Variants in WDPCP observed in about 807,000 individuals in gnomAD.
The protein encoded by WDPCP is WD repeat containing planar cell polarity effector, also known as WD repeat-containing and planar cell polarity effector protein fritz homolog.
A neutral mutation model predicts 93.1 loss-of-function variants in WDPCP; 71 were observed. The observed-to-expected ratio is 0.76, with a 90% CI of 0.63 to 0.93. WDPCP has a LOEUF of 0.93. WDPCP is among the 40% of genes least tolerant of loss of function. WDPCP has a pLI of 0.00. For missense variants in WDPCP, 844 were observed against 887.4 expected (o/e 0.95, Z 0.62); for synonymous variants, 315 against 315.0 (o/e 1.00, Z 0.00).
At position 63,575,419 on chromosome 2, in the gene WDPCP, CT is replaced by C. The variant is rs1558832123; in HGVS notation, c.75+12777del. On this transcript the variant is annotated intron_variant, in intron 1 of 17. Coordinates refer to ENST00000272321, the MANE Select transcript of WDPCP (RefSeq NM_015910.7). The stretch of plus-strand genomic sequence containing the variant: ...ATACAGTATATATACAGTATATACA[CT>C]GTATACAGTGTATATACAGTGTATA... Among the ~76,000 whole-genome samples the C allele has an allele frequency of 1.6e-3, 104 of 65,530 alleles. 4 individuals are homozygous for C. The highest frequency in any genetic ancestry group is 0.011 in the African/African-American group (99 of 8,666). The allele number at this position is 65,530 out of a possible 152,430, so 43.0% of individuals were successfully genotyped here. A position where few individuals can be genotyped will look rare whatever the true frequency, so the allele number is the denominator to read the frequency against.
intron 12 of WDPCP, among the ~76,000 whole-genome samples, chr2:63,363,020 C>A (rs1001514661): frequency 6.6e-6 from 1 of 151,866 alleles, no homozygotes; most frequent in Non-Finnish European, 1.5e-5. Flanking sequence ...AACTTAATTA[C>A]CACTGTTCAC....
intron 13 of WDPCP, among the ~76,000 whole-genome samples, chr2:63,291,536 T>C (rs532259390): frequency 6.6e-6 from 1 of 152,330 alleles, no homozygotes; most frequent in South Asian, 2.1e-4. Flanking sequence ...AGGCTGGGCA[T>C]GGTCGTTCAC....
At chr2:63,243,751 A>G (rs1247732938) in intron 14 of WDPCP, among the ~76,000 whole-genome samples, 6 of 152,158 alleles carry the variant, frequency 3.9e-5, no homozygotes, top group Admixed American at 1.3e-4. Flanking sequence ...CAGCTGTACA[A>G]TAATAATGGG....
intron 13 of WDPCP, among the ~76,000 whole-genome samples, chr2:63,307,826 A>G (rs1208296233): frequency 6.6e-6 from 1 of 152,248 alleles, no homozygotes; most frequent in Non-Finnish European, 1.5e-5. Context: ...CAAAGACTTC[A>G]TGACTAAAAC....
intron 15 of WDPCP, among the ~76,000 whole-genome samples, chr2:63,154,302 T>C (rs1236070973): frequency 2.0e-5 from 3 of 152,094 alleles, no homozygotes; most frequent in Non-Finnish European, 2.9e-5. Context: ...TTATATACTT[T>C]ATAGTCACAC....
intron 9 of WDPCP, among the ~76,000 whole-genome samples, chr2:63,409,235 C>G (rs1342915473): frequency 6.6e-6 from 1 of 152,202 alleles, no homozygotes; most frequent in Non-Finnish European, 1.5e-5. Context: ...TCTGTGCAGA[C>G]AACCCCCAGT....
intron 1 of WDPCP, among the ~76,000 whole-genome samples, chr2:63,539,216 C>A (rs935925341): frequency 1.3e-5 from 2 of 152,142 alleles, no homozygotes; most frequent in Non-Finnish European, 2.9e-5. Context: ...CCATAATTTA[C>A]ATTTATGTGA....
chr2:63,759,028 G>C (rs913361313), intron 2 of WDPCP, among the ~76,000 whole-genome samples: 23 of 151,642 alleles, frequency 1.5e-4, no homozygotes, highest in South Asian at 2.1e-4. Flanking sequence ...TGATCCACCC[G>C]CTTTGGCCTC....
chr2:63,733,183 A>ATTTTTTTTT (rs70965141), intron 2 of WDPCP, among the ~76,000 whole-genome samples: 2 of 94,934 alleles, frequency 2.1e-5, no homozygotes, highest in Non-Finnish European at 4.0e-5. Context: ...CAAATAAATG[A>ATTTTTTTTT]TTTTTTTTTT....
chr2:63,369,447 G>T (rs1691203081), intron 12 of WDPCP: 2 of 456,460 alleles, frequency 4.4e-6, no homozygotes, highest in South Asian at 3.1e-5. Flanking sequence ...CCTCTACCCA[G>T]GTCCTCACTC....
chr2:63,597,354 C>A, intron 3 of WDPCP: 1 of 1,322,218 alleles, frequency 7.6e-7, no homozygotes, highest in Middle Eastern at 2.4e-4. Flanking sequence ...AAACTTCAAA[C>A]TTTGATGTTT....
intron 3 of WDPCP, among the ~76,000 whole-genome samples, chr2:63,630,751 C>T (rs1217784480): frequency 1.3e-5 from 2 of 152,290 alleles, no homozygotes; most frequent in East Asian, 3.9e-4. Context: ...AAGAACTCAA[C>T]AACATCAACC....
intron 1 of WDPCP, among the ~76,000 whole-genome samples, chr2:63,549,454 C>A (rs924676912): frequency 3.9e-5 from 6 of 151,996 alleles, no homozygotes; most frequent in Non-Finnish European, 7.4e-5. Context: ...ATTACCAAGT[C>A]ATTAGCATAA....
At chr2:63,443,628 G>C (rs1383324829) in intron 6 of WDPCP, among the ~76,000 whole-genome samples, 1 of 152,112 alleles carries the variant, frequency 6.6e-6, no homozygotes, top group African/African-American at 2.4e-5. Context: ...GTTTTAAGCA[G>C]CACAGAACTA....
the WDPCP span, among the ~76,000 whole-genome samples, chr2:63,836,601 A>C: frequency 6.6e-6 from 1 of 152,186 alleles, no homozygotes; most frequent in Non-Finnish European, 1.5e-5. Flanking sequence ...CCCTGAGAGA[A>C]TATAGGGAGT....
chr2:63,775,918 G>T (rs534868905), intron 2 of WDPCP, among the ~76,000 whole-genome samples: 12 of 152,072 alleles, frequency 7.9e-5, no homozygotes, highest in African/African-American at 2.9e-4. Flanking sequence ...ATAAAAACAG[G>T]CCAGGTGCAG....
At chr2:63,730,683 C>T (rs1162263807) in intron 2 of WDPCP, among the ~76,000 whole-genome samples, 2 of 151,940 alleles carry the variant, frequency 1.3e-5, no homozygotes, top group African/African-American at 4.8e-5. Context: ...ATGACATGAT[C>T]ACCGTGGTAA....
chr2:63,468,860 T>TA (rs1231085622), intron 6 of WDPCP, among the ~76,000 whole-genome samples: 1 of 152,148 alleles, frequency 6.6e-6, no homozygotes, highest in Non-Finnish European at 1.5e-5. Flanking sequence ...TTCTCTCATC[T>TA]AAAAAAGAAA....
At chr2:63,402,867 T>C (rs1236776010) in intron 10 of WDPCP, among the ~76,000 whole-genome samples, 1 of 152,206 alleles carries the variant, frequency 6.6e-6, no homozygotes, top group Non-Finnish European at 1.5e-5. Context: ...GAAAGCAATA[T>C]AGCAATTCCT....
Sources: allele counts gnomAD v4.1 joint callset (sites outside exome capture counted in the v4.1 genomes callset), GRCh38; gene constraint gnomAD v4.1.1; transcripts MANE v1.5; gene names NCBI Gene and HGNC (gene_info 2026-07-23, HGNC 2026-07-21).